SMARCB1: variants seen among roughly 807,000 people sequenced by gnomAD.
The protein encoded by SMARCB1 is SWI/SNF-related matrix-associated actin-dependent regulator of chromatin subfamily B member 1.
SMARCB1 carries 5 observed loss-of-function variants against 49.0 expected under a neutral mutation model. The ratio of observed to expected loss-of-function variants is 0.10; its 90% CI spans 0.05 to 0.21. SMARCB1 has a LOEUF of 0.21. Among genes scored for constraint, SMARCB1 ranks in the 10% least tolerant of loss-of-function variants. The pLI is 1.00. For missense variants in SMARCB1, 226 were observed against 509.2 expected, an observed-to-expected ratio of 0.44 and a Z score of 5.35; for synonymous variants, 201 against 200.1, an observed-to-expected ratio of 1.00 and a Z score of -0.04.
At chr22:23,811,768 TA>T (rs1334171592) in intron 5 of SMARCB1, among the ~76,000 whole-genome samples, 1 of 152,180 alleles carries the variant, frequency 6.6e-6, no homozygotes, top group Non-Finnish European at 1.5e-5. Flanking sequence ...GTCGATAATC[TA>T]AGCTCTAATC....
intron 7 of SMARCB1, among the ~76,000 whole-genome samples, chr22:23,832,675 G>A (rs1337354234): frequency 6.7e-6 from 1 of 149,278 alleles, no homozygotes; most frequent in Admixed American, 6.6e-5. Flanking sequence ...TGGGGGTGAC[G>A]GGACCACTGC....
At chr22:23,798,777 G>A (rs559679749) in intron 3 of SMARCB1, among the ~76,000 whole-genome samples, 3 of 152,212 alleles carry the variant, frequency 2.0e-5, no homozygotes, top group South Asian at 4.1e-4. Context: ...TCGGCCGGGC[G>A]CGGTGACTGA....
At chr22:23,833,865 C>T (rs1247223950) in intron 8 of SMARCB1, among the ~76,000 whole-genome samples, 162 bp downstream of exon 8, 3 of 152,330 alleles carry the variant, frequency 2.0e-5, no homozygotes, top group African/African-American at 4.8e-5. Context: ...CCCATCCAAA[C>T]GCCAGGGTAT....
intron 3 of SMARCB1, among the ~76,000 whole-genome samples, chr22:23,798,148 T>C (rs1270175297): frequency 6.6e-6 from 1 of 152,148 alleles, no homozygotes; most frequent in East Asian, 1.9e-4. Context: ...GGTTTGCAAA[T>C]ACAGGCTCAG....
intron 5 of SMARCB1, among the ~76,000 whole-genome samples, chr22:23,810,397 G>A (rs1260214154): frequency 3.3e-5 from 5 of 150,568 alleles, no homozygotes; most frequent in African/African-American, 9.8e-5. Context: ...GCATGGTGGC[G>A]CACGCCTGTA....
Position 23,836,452 on chromosome 22 carries a change from T to TTGC in SMARCB1, c.*2272_*2273insTGC, listed in dbSNP as rs577919346. ...AAATCTGGTGAACTTCCCCGCTGACTGGCAGGTAGCAGAGGCCTATGGTGG... is the reference window on the plus strand; with the variant it reads ...AAATCTGGTGAACTTCCCCGCTGACTTGCGGCAGGTAGCAGAGGCCTATGGTGG... On this transcript the variant is annotated 3_prime_UTR_variant, in exon 9 of 9. Coordinates refer to ENST00000644036, the MANE Select transcript of SMARCB1 (RefSeq NM_003073.5). 608 of 992,340 alleles carry TTGC rather than the reference T, an allele frequency of 6.1e-4. 5 individuals carry two copies. The African/African-American group carries it at 9.5e-3, about 15-fold the overall frequency. 61.5% of individuals were successfully genotyped at this position (992,340 alleles called of 1,614,324 possible).
At chr22:23,825,143 C>A in intron 6 of SMARCB1, 82 bp from the exon 7 acceptor site, 1 of 1,227,618 alleles carries the variant, frequency 8.1e-7, no homozygotes, top group Non-Finnish European at 1.2e-6. Flanking sequence ...CAGGGCCCAC[C>A]CCAGGCCTGG....
chr22:23,794,102 G>A (rs573902544), intron 3 of SMARCB1, among the ~76,000 whole-genome samples: 2 of 152,266 alleles, frequency 1.3e-5, no homozygotes, highest in South Asian at 2.1e-4. Flanking sequence ...GCGCCACCAC[G>A]CCCAGCTAAT....
chr22:23,808,806 C>A (rs951992560), intron 5 of SMARCB1, among the ~76,000 whole-genome samples: 1 of 150,956 alleles, frequency 6.6e-6, no homozygotes, highest in African/African-American at 2.4e-5. Context: ...TCAAGTGATT[C>A]TCCTGCCTCA....
intron 7 of SMARCB1, 133 bp from the exon 8 acceptor site, chr22:23,833,439 G>T (rs1420251430): frequency 1.6e-6 from 2 of 1,283,154 alleles, no homozygotes; most frequent in Non-Finnish European, 2.2e-6. Flanking sequence ...TGAGGTTCAG[G>T]TGACTGGAGC....
rs200394488 is a variant in SMARCB1, at chr22:23,793,563, C to T, written c.237C>T (p.His79=). The part of the protein sequence containing the change: ...GKKTKPNTKD[H]GYTTLATSVT... ...AGTGATGTTTGTCTGTTACAGATCA[C>T]GGATACACGACTCTAGCCACCAGTG... The change falls in exon 3 of 9, where the codon CAC becomes CAT. Residue 79 remains histidine (H), a synonymous_variant. Coordinates refer to ENST00000644036, the MANE Select transcript of SMARCB1 (RefSeq NM_003073.5). 6.2e-6 allele frequency: 10 copies of T among 1,613,588 alleles called. No individual in the cohort carries two copies. Among genetic ancestry groups the T allele is most frequent in the Middle Eastern group, 1.7e-4 (1 of 6,058 alleles).
chr22:23,824,761 G>C (rs2146025708), intron 6 of SMARCB1: 1 of 208,658 alleles, frequency 4.8e-6, no homozygotes, highest in Non-Finnish European at 9.9e-6. Context: ...GTGCATCTGT[G>C]AACACGCTAG....
chr22:23,836,747 G>T lies in SMARCB1; in HGVS notation c.*2567G>T. Reference sequence around the variant, plus strand: ...GGGCCAAGAGACTGCAGCTCATTCTGTTTATTCAGGTGGGCCCTTGCATGG... The same window carrying T: ...GGGCCAAGAGACTGCAGCTCATTCTTTTTATTCAGGTGGGCCCTTGCATGG... On this transcript the variant is annotated 3_prime_UTR_variant, in exon 9 of 9. Coordinates refer to ENST00000644036, the MANE Select transcript of SMARCB1 (RefSeq NM_003073.5). The T allele has an allele frequency of 7.2e-7, 1 of 1,380,560 alleles. No homozygotes were observed. The highest frequency in any genetic ancestry group is 9.3e-7 in the Non-Finnish European group (1 of 1,070,974). 85.5% of individuals were successfully genotyped at this position (1,380,560 alleles called of 1,614,324 possible).
chr22:23,831,146 CAT>C (rs1231744582), intron 7 of SMARCB1, among the ~76,000 whole-genome samples: 1 of 152,140 alleles, frequency 6.6e-6, no homozygotes, highest in African/African-American at 2.4e-5. Flanking sequence ...GAATTGCAAA[CAT>C]AAGGGTGACA....
At chr22:23,799,518 T>TG (rs1281921706) in intron 3 of SMARCB1, among the ~76,000 whole-genome samples, 5 of 146,196 alleles carry the variant, frequency 3.4e-5, no homozygotes, top group South Asian at 2.2e-4. Context: ...TTTGGTTTTT[T>TG]TTTTTTTTTT....
Position 23,834,413 on chromosome 22 carries a change from A to G in SMARCB1, c.*233A>G, listed in dbSNP as rs966656160. 1.4e-5 allele frequency: 10 copies of G among 691,772 alleles called. No individual in the cohort carries two copies. In the Admixed American group the frequency reaches 2.0e-4, roughly 14 times the overall value. The allele number at this position is 691,772 out of a possible 1,614,324, so 42.9% of individuals were successfully genotyped here. ...CCCTCCCCAGTCTCTGGGGTCAGGA[A>G]GAAACCTTATTTTAGGTTGTGTTTT... On this transcript the variant is annotated 3_prime_UTR_variant, in exon 9 of 9. Transcript: ENST00000644036.
chr22:23,793,749 A>C, intron 3 of SMARCB1, 61 bp downstream of exon 3: 4 of 1,534,642 alleles, frequency 2.6e-6, no homozygotes, highest in Non-Finnish European at 3.6e-6. Context: ...CTGAGACTCA[A>C]GAACTGGTTG....
intron 5 of SMARCB1, among the ~76,000 whole-genome samples, chr22:23,809,547 A>T (rs1002433036): frequency 3.3e-5 from 5 of 151,874 alleles, no homozygotes; most frequent in Admixed American, 2.6e-4. Flanking sequence ...AAGTGCTGGG[A>T]TTACAGGCGT....
At chr22:23,832,048 A>G (rs1043789649) in intron 7 of SMARCB1, among the ~76,000 whole-genome samples, 2 of 152,198 alleles carry the variant, frequency 1.3e-5, no homozygotes, top group Admixed American at 6.5e-5. Flanking sequence ...AGCTGCAGCC[A>G]GTGCCCTGCG....
Sources: gnomAD v4.1 joint callset for allele counts (sites outside exome capture counted in the v4.1 genomes callset) on GRCh38, gnomAD v4.1.1 for gene constraint, MANE v1.5 for transcripts, NCBI Gene and HGNC (gene_info 2026-07-23, HGNC 2026-07-21) for gene names.